Variants in TRPC4 observed in about 807,000 individuals in gnomAD.
TRPC4 encodes short transient receptor potential channel 4.
TRPC4 carries 49 observed loss-of-function variants against 99.4 expected under a neutral mutation model. The observed-to-expected ratio is 0.49, with a 90% CI of 0.39 to 0.63. The LOEUF (loss-of-function observed/expected upper bound fraction) is 0.63. TRPC4 is among the 20% of genes least tolerant of loss of function. The pLI, the probability that TRPC4 is intolerant of heterozygous loss-of-function variation, is 0.00. For missense variants in TRPC4, 898 were observed against 1,152.9 expected, an observed-to-expected ratio of 0.78 and a Z score of 3.20; for synonymous variants, 454 against 425.9, an observed-to-expected ratio of 1.07 and a Z score of -0.81.
chr13:37,840,819 G>A (rs1044899649), intron 1 of TRPC4, among the ~76,000 whole-genome samples: 3 of 151,856 alleles, frequency 2.0e-5, no homozygotes, highest in Non-Finnish European at 2.9e-5. Flanking sequence ...GTCTATCATC[G>A]GAAAACAATA....
intron 1 of TRPC4, among the ~76,000 whole-genome samples, chr13:37,852,864 T>G (rs1959093902): frequency 6.6e-6 from 1 of 152,046 alleles, no homozygotes; most frequent in Non-Finnish European, 1.5e-5. Flanking sequence ...GCCCACCAGA[T>G]GAAGCTCCTT....
intron 5 of TRPC4, among the ~76,000 whole-genome samples, chr13:37,668,865 G>A (rs992052120): frequency 1.3e-5 from 2 of 152,014 alleles, no homozygotes. Flanking sequence ...ATTAAGTAGT[G>A]AAAGACCAAA....
chr13:37,727,050 TAGA>T (rs1955089839), intron 3 of TRPC4, among the ~76,000 whole-genome samples: 1 of 152,014 alleles, frequency 6.6e-6, no homozygotes, highest in South Asian at 2.1e-4. Flanking sequence ...AGTAATGAAA[TAGA>T]GGACCTGGGC....
chr13:37,740,438 G>T (rs1333275666), intron 3 of TRPC4, among the ~76,000 whole-genome samples: 3 of 152,126 alleles, frequency 2.0e-5, no homozygotes, highest in African/African-American at 7.2e-5. Flanking sequence ...TTAAAAACCT[G>T]TTGGAGTGAT....
At chr13:37,674,656 A>T (rs1228928574) in intron 4 of TRPC4, among the ~76,000 whole-genome samples, 1 of 152,202 alleles carries the variant, frequency 6.6e-6, no homozygotes, top group Non-Finnish European at 1.5e-5. Context: ...CTCCTTTATA[A>T]CTATATATTT....
At chr13:37,748,058 T>C (rs962953999) in intron 2 of TRPC4, among the ~76,000 whole-genome samples, 6 of 152,094 alleles carry the variant, frequency 3.9e-5, no homozygotes, top group Non-Finnish European at 7.3e-5. Context: ...TGAGATGGAG[T>C]GGGACAACGT....
In TRPC4 at chr13:37,637,579, A is replaced by G. The variant is rs377554360; in HGVS notation, c.2258T>C (p.Leu753Ser). Residue 753 changes from leucine (L) to serine (S), a missense_variant, in exon 11 of 11, where the codon TTA becomes TCA. Physicochemically the swap from Leu to Ser is moderately radical, Grantham distance 145. Coordinates refer to ENST00000379705, the MANE Select transcript of TRPC4 (RefSeq NM_016179.4). ...ISSFRFEVLG[L>S]LRGSKLSTIQ... ...TGTGGAAAGTTTGCTTCCTCTTAGT[A>G]ATCCCAGGACTTCAAAGCGGAAACT... 1.1e-4 allele frequency: 173 copies of G among 1,610,158 alleles called. No individual in the cohort carries two copies. The highest frequency in any genetic ancestry group is 1.4e-4 in the Non-Finnish European group (170 of 1,178,822).
At chr13:37,653,325 C>G (rs1438222873) in intron 7 of TRPC4, among the ~76,000 whole-genome samples, 1 of 152,038 alleles carries the variant, frequency 6.6e-6, no homozygotes, top group African/African-American at 2.4e-5. Flanking sequence ...ATAAGTGCTT[C>G]TGCCTTTCAA....
intron 3 of TRPC4, among the ~76,000 whole-genome samples, chr13:37,703,169 G>A (rs764943493): frequency 1.3e-5 from 2 of 152,092 alleles, no homozygotes; most frequent in Admixed American, 6.6e-5. Context: ...GTATAGTTGC[G>A]CTTGGTTTCA....
chr13:37,690,189 T>G (rs1461868704), intron 4 of TRPC4, among the ~76,000 whole-genome samples: 2 of 152,196 alleles, frequency 1.3e-5, no homozygotes, highest in African/African-American at 4.8e-5. Flanking sequence ...CTTAATGAGA[T>G]ATATTTAATT....
chr13:37,706,308 T>G (rs993305362), intron 3 of TRPC4, among the ~76,000 whole-genome samples: 3 of 152,122 alleles, frequency 2.0e-5, no homozygotes, highest in Non-Finnish European at 4.4e-5. Flanking sequence ...CAAGGACGCT[T>G]TATATTCTTG....
At chr13:37,683,907 T>C (rs1953353461) in intron 4 of TRPC4, among the ~76,000 whole-genome samples, 1 of 152,212 alleles carries the variant, frequency 6.6e-6, no homozygotes, top group African/African-American at 2.4e-5. Context: ...AGCCTACTTT[T>C]AAATAACTTG....
chr13:37,662,953 T>C (rs1248382022), intron 6 of TRPC4, among the ~76,000 whole-genome samples: 1 of 152,194 alleles, frequency 6.6e-6, no homozygotes, highest in Non-Finnish European at 1.5e-5. Flanking sequence ...TATTTTTAGA[T>C]GGTTAAGTTT....
chr13:37,862,925 G>A (rs1223843704), intron 1 of TRPC4, among the ~76,000 whole-genome samples: 4 of 151,230 alleles, frequency 2.6e-5, no homozygotes, highest in Admixed American at 6.6e-5. Context: ...ATGACGGTGG[G>A]CCCATAAGAT....
intron 1 of TRPC4, among the ~76,000 whole-genome samples, chr13:37,812,166 G>A (rs1300867131): frequency 2.7e-5 from 1 of 36,654 alleles, no homozygotes; most frequent in Admixed American, 3.7e-4. Flanking sequence ...GCAACAGACT[G>A]AGACTCTATC....
intron 1 of TRPC4, among the ~76,000 whole-genome samples, chr13:37,805,668 A>C (rs1957512250): frequency 6.6e-6 from 1 of 151,874 alleles, no homozygotes; most frequent in South Asian, 2.1e-4. Context: ...GATGTAAACT[A>C]CTCTGGACAT....
At chr13:37,714,671 C>A (rs1223109223) in intron 3 of TRPC4, among the ~76,000 whole-genome samples, 5 of 152,186 alleles carry the variant, frequency 3.3e-5, no homozygotes, top group Non-Finnish European at 7.3e-5. Flanking sequence ...TCCAGCCACA[C>A]TGATTTCTGC....
chr13:37,680,552 C>T (rs989864916), intron 4 of TRPC4, among the ~76,000 whole-genome samples: 8 of 152,212 alleles, frequency 5.3e-5, no homozygotes, highest in Non-Finnish European at 8.8e-5. Flanking sequence ...AAGCAGTCAT[C>T]ACAATCGCTG....
chr13:37,826,539 G>T (rs1160298124), intron 1 of TRPC4, among the ~76,000 whole-genome samples: 1 of 150,768 alleles, frequency 6.6e-6, no homozygotes, highest in Non-Finnish European at 1.5e-5. Flanking sequence ...ATGAAGCTTA[G>T]TTTGGCTGGA....
Sources: gnomAD v4.1 joint callset for allele counts (sites outside exome capture counted in the v4.1 genomes callset) on GRCh38, gnomAD v4.1.1 for gene constraint, MANE v1.5 for transcripts, NCBI Gene and HGNC (gene_info 2026-07-23, HGNC 2026-07-21) for gene names.